ADGRL3: variants seen among roughly 807,000 people sequenced by gnomAD.
ADGRL3 encodes adhesion G protein-coupled receptor L3, also known as calcium-independent alpha-latrotoxin receptor 3.
Under a neutral mutation model 153.5 loss-of-function variants are expected in ADGRL3, and 62 were observed. The ratio of observed to expected loss-of-function variants is 0.40; its 90% CI spans 0.33 to 0.50. The LOEUF is 0.50. Among genes scored for constraint, ADGRL3 ranks in the 20% least tolerant of loss-of-function variants. ADGRL3 has a pLI of 0.47. For synonymous variants in ADGRL3, 710 were observed against 672.5 expected, an observed-to-expected ratio of 1.06 and a Z score of -0.86; for missense variants, 1,641 against 1,859.4, an observed-to-expected ratio of 0.88 and a Z score of 2.16.
intron 1 of ADGRL3, among the ~76,000 whole-genome samples, chr4:61,343,928 A>G (rs988315202): frequency 2.0e-5 from 3 of 152,186 alleles, no homozygotes; most frequent in South Asian, 2.1e-4. Context: ...TTGTGATTCT[A>G]TAACTTCACT....
At chr4:61,970,459 T>G (rs1040316452) in intron 17 of ADGRL3, among the ~76,000 whole-genome samples, 2 of 152,138 alleles carry the variant, frequency 1.3e-5, no homozygotes, top group Non-Finnish European at 2.9e-5. Context: ...ACAAATGTAG[T>G]TTTGTTTAGT....
At position 61,397,720 on chromosome 4, in the gene ADGRL3, TA is replaced by T. The variant is rs375629937; in HGVS notation, c.-174+14539del. ...ACACATAGTATTAGCTAATTTCCTA[TA>T]AAAAAAATTGTCAGTATTAACTGGC... On this transcript the variant is annotated intron_variant, in intron 2 of 26. Transcript: ENST00000683033. 3.4e-3 allele frequency among the ~76,000 whole-genome samples: 510 copies of T among 151,730 alleles called. 3 individuals are homozygous for T. Among genetic ancestry groups the T allele is most frequent in the African/African-American group, 0.012 (482 of 41,454 alleles).
Position 61,948,217 on chromosome 4 carries a change from A to G in ADGRL3, c.2746A>G (p.Thr916Ala), listed in dbSNP as rs777317990. ...RLLTTNKTHT[T>A]CSCNHLTNFA... ...CCTGACAACAAATAAGACACATACT[A>G]CATGCTCTTGTAACCACCTAACAAA... The change falls in exon 17 of 27, where the codon ACA (threonine) becomes GCA (alanine). Residue 916 changes from threonine (T) to alanine (A), a missense_variant. By Grantham distance (58) the Thr-to-Ala change is moderately conservative (BLOSUM62 0). Around this residue, in one of 5 missense-constraint regions of ADGRL3, gnomAD observed 734 missense variants for 797.0 expected, o/e 0.92. Transcript: ENST00000683033. The G allele has an allele frequency of 3.1e-6, 5 of 1,613,884 alleles. No homozygotes were observed. Among genetic ancestry groups the G allele is most frequent in the Non-Finnish European group, 4.2e-6 (5 of 1,179,830 alleles).
At chr4:61,946,599 C>T (rs2098925720) in intron 15 of ADGRL3, among the ~76,000 whole-genome samples, 1 of 152,006 alleles carries the variant, frequency 6.6e-6, no homozygotes, top group Non-Finnish European at 1.5e-5. Flanking sequence ...CTTCAAAGTA[C>T]AAGGATATTA....
intron 25 of ADGRL3, among the ~76,000 whole-genome samples, chr4:62,052,484 GA>G (rs1201853189): frequency 6.6e-6 from 1 of 151,050 alleles, no homozygotes; most frequent in African/African-American, 2.4e-5. Flanking sequence ...TGAAAAAACT[GA>G]ATATATGAGG....
intron 1 of ADGRL3, among the ~76,000 whole-genome samples, chr4:61,295,640 A>G (rs772859369): frequency 2.9e-4 from 44 of 152,008 alleles, no homozygotes; most frequent in African/African-American, 1.0e-3. Context: ...TGATTTCTGT[A>G]TAATACTTAG....
chr4:61,853,365 C>A (rs976198071), intron 9 of ADGRL3, among the ~76,000 whole-genome samples: 1 of 152,124 alleles, frequency 6.6e-6, no homozygotes, highest in Non-Finnish European at 1.5e-5. Context: ...TTTTAGTATA[C>A]CACAGTCTGA....
intron 1 of ADGRL3, among the ~76,000 whole-genome samples, chr4:61,347,445 G>T (rs2095943462): frequency 6.6e-6 from 1 of 152,092 alleles, no homozygotes; most frequent in African/African-American, 2.4e-5. Flanking sequence ...TATTCAGTAT[G>T]TAATTCATGA....
chr4:61,630,811 T>C (rs1231249334), intron 5 of ADGRL3, among the ~76,000 whole-genome samples: 2 of 152,222 alleles, frequency 1.3e-5, no homozygotes, highest in African/African-American at 2.4e-5. Context: ...TTCTCAGATA[T>C]GAGGTTTGTA....
chr4:61,870,802 G>T (rs1331727511), intron 9 of ADGRL3, among the ~76,000 whole-genome samples: 5 of 152,134 alleles, frequency 3.3e-5, no homozygotes, highest in Admixed American at 2.6e-4. Flanking sequence ...TTAAGTGCTG[G>T]CCAGAATATG....
At chr4:61,847,611 TTA>T (rs199671578) in intron 9 of ADGRL3, among the ~76,000 whole-genome samples, 1,654 of 54,942 alleles carry the variant, frequency 0.03, 70 homozygotes, top group African/African-American at 0.066. Context: ...ATATAATATA[TTA>T]TATATATAAT....
intron 21 of ADGRL3, among the ~76,000 whole-genome samples, chr4:61,999,902 T>C (rs1408055452): frequency 6.6e-6 from 1 of 152,188 alleles, no homozygotes; most frequent in Admixed American, 6.5e-5. Flanking sequence ...TTTGTAATTC[T>C]CAATATTACT....
At chr4:61,740,961 T>G (rs1290117384) in intron 8 of ADGRL3, among the ~76,000 whole-genome samples, 1 of 152,184 alleles carries the variant, frequency 6.6e-6, no homozygotes, top group Non-Finnish European at 1.5e-5. Context: ...ATGGTGCACC[T>G]TCTGTCCTTA....
intron 15 of ADGRL3, among the ~76,000 whole-genome samples, chr4:61,939,759 C>A (rs1012038034): frequency 3.9e-5 from 6 of 152,020 alleles, no homozygotes; most frequent in Admixed American, 3.3e-4. Flanking sequence ...TGAGCCACCA[C>A]ACCCGGCCAA....
At chr4:61,860,799 A>G (rs2098332802) in intron 9 of ADGRL3, among the ~76,000 whole-genome samples, 1 of 152,150 alleles carries the variant, frequency 6.6e-6, no homozygotes, top group Non-Finnish European at 1.5e-5. Flanking sequence ...TCATCATAAT[A>G]TTATTAGATA....
rs778005502 is a variant in ADGRL3, at chr4:61,732,821, A to G, written c.666A>G (p.Gln222=). 77 of 1,610,296 alleles carry G rather than the reference A, an allele frequency of 4.8e-5. No individual in the cohort carries two copies. The highest frequency in any genetic ancestry group is 6.1e-5 in the Non-Finnish European group (72 of 1,178,222). The change falls in exon 8 of 27, where the codon CAA becomes CAG. Residue 222 remains glutamine, a synonymous_variant. Transcript: ENST00000683033. ...QSEHLFESDH[Q]SGAWCKDPLQ... ...AACATTTGTTTGAGTCCGACCACCAATCTGGGGCGTGGTGCAAAGACCCTC... is the reference window on the plus strand; with the variant it reads ...AACATTTGTTTGAGTCCGACCACCAGTCTGGGGCGTGGTGCAAAGACCCTC...
chr4:61,768,517 T>G (rs1374322984), intron 8 of ADGRL3, among the ~76,000 whole-genome samples: 2 of 152,066 alleles, frequency 1.3e-5, no homozygotes, highest in Non-Finnish European at 2.9e-5. Flanking sequence ...TTCAGGCACC[T>G]CAGACCATTT....
chr4:61,917,564 A>G (rs2098750490), intron 13 of ADGRL3, among the ~76,000 whole-genome samples: 1 of 152,158 alleles, frequency 6.6e-6, no homozygotes, highest in Admixed American at 6.5e-5. Flanking sequence ...ACTATTTTCC[A>G]CCAGCAATAT....
At chr4:61,780,674 C>T (rs2097203791) in intron 8 of ADGRL3, among the ~76,000 whole-genome samples, 1 of 152,180 alleles carries the variant, frequency 6.6e-6, no homozygotes, top group African/African-American at 2.4e-5. Context: ...TTTCCCTAAA[C>T]ATAGACAGAT....
Sources: allele counts gnomAD v4.1 joint callset (sites outside exome capture counted in the v4.1 genomes callset), GRCh38; gene constraint gnomAD v4.1.1; regional missense constraint gnomAD v4.1.1; transcripts MANE v1.5; gene names NCBI Gene and HGNC (gene_info 2026-07-23, HGNC 2026-07-21).